The following RAB28 variants were observed in gnomAD, a reference collection of about 807,000 sequenced individuals.
The protein encoded by RAB28 is RAB28, member RAS oncogene family.
Under a neutral mutation model 31.7 loss-of-function variants are expected in RAB28, and 24 were observed. The observed-to-expected ratio is 0.76, with a 90% CI of 0.55 to 1.06. RAB28 has a LOEUF of 1.06. Ranked by LOEUF, RAB28 falls within the 50% of genes least tolerant of loss-of-function variation. The pLI is 0.00. For synonymous variants in RAB28, 100 were observed against 90.4 expected (o/e 1.11, Z -0.60); for missense variants, 254 against 258.5 (o/e 0.98, Z 0.12).
chr4:13,475,389 A>G (rs1310000275), intron 2 of RAB28, among the ~76,000 whole-genome samples: 1 of 151,570 alleles, frequency 6.6e-6, no homozygotes, highest in Non-Finnish European at 1.5e-5. Flanking sequence ...TGATTTGCAA[A>G]TCAAAAGAAA....
intron 2 of RAB28, among the ~76,000 whole-genome samples, chr4:13,475,628 C>T (rs560211492): frequency 4.0e-5 from 6 of 151,516 alleles, no homozygotes; most frequent in Admixed American, 2.0e-4. Context: ...TCTGCCACTG[C>T]GCAGAGGATT....
chr4:13,400,193 G>C (rs1245476756), intron 4 of RAB28, among the ~76,000 whole-genome samples: 3 of 152,104 alleles, frequency 2.0e-5, no homozygotes, highest in Non-Finnish European at 2.9e-5. Context: ...TGTTTCCAGT[G>C]TCTCAATCCT....
chr4:13,376,399 A>G (rs1306028101), intron 6 of RAB28, 146 bp downstream of exon 6: 5 of 518,060 alleles, frequency 9.7e-6, no homozygotes, highest in Admixed American at 4.0e-5. Context: ...CTTCTGCAAT[A>G]AACACTGATT....
intron 4 of RAB28, among the ~76,000 whole-genome samples, chr4:13,460,392 T>C (rs1715531414): frequency 6.6e-6 from 1 of 152,142 alleles, no homozygotes; most frequent in Non-Finnish European, 1.5e-5. Flanking sequence ...TCTTTTTTAA[T>C]TAAATAGAGA....
At chr4:13,460,656 G>A in intron 4 of RAB28, 43 bp downstream of exon 4, 1 of 1,611,154 alleles carries the variant, frequency 6.2e-7, no homozygotes, top group Non-Finnish European at 8.5e-7. Context: ...GTCCACAACA[G>A]CAAGTAAACT....
intron 4 of RAB28, among the ~76,000 whole-genome samples, chr4:13,438,840 C>CAG (rs1231752031): frequency 6.6e-6 from 1 of 152,126 alleles, no homozygotes; most frequent in Non-Finnish European, 1.5e-5. Flanking sequence ...TGCCTAACTG[C>CAG]AATTTCTTGA....
chr4:13,376,221 G>C (rs1728916040), intron 6 of RAB28, among the ~76,000 whole-genome samples: 1 of 151,960 alleles, frequency 6.6e-6, no homozygotes, highest in African/African-American at 2.4e-5. Flanking sequence ...TTGAATAGAG[G>C]CTCCAAAAGG....
chr4:13,371,618 G>A lies in RAB28; in HGVS notation c.574-2968C>T, dbSNP rs981687129. The stretch of plus-strand genomic sequence containing the variant: ...TCTTTGACATAAAGCTTTGTAAAAT[G>A]TTTCCGAACTGTAAGCCATAACCAA... On this transcript the variant is annotated intron_variant, in intron 6 of 6. Transcript: ENST00000330852. 3.0e-6 allele frequency: 3 copies of A among 985,138 alleles called. No homozygotes were observed. In the African/African-American group the frequency reaches 5.2e-5, roughly 17 times the overall value. The allele number at this position is 985,138 out of a possible 1,614,324, so 61.0% of individuals were successfully genotyped here. A position where few individuals can be genotyped will look rare whatever the true frequency, so the allele number is the denominator to read the frequency against.
intron 4 of RAB28, among the ~76,000 whole-genome samples, chr4:13,398,416 A>G (rs1323210999): frequency 1.3e-5 from 2 of 152,078 alleles, no homozygotes; most frequent in African/African-American, 4.8e-5. Context: ...GAATTGCATA[A>G]AAAAAAGAGT....
chr4:13,376,075 G>C (rs1313513957), intron 6 of RAB28, among the ~76,000 whole-genome samples: 1 of 151,954 alleles, frequency 6.6e-6, no homozygotes, highest in Admixed American at 6.6e-5. Context: ...CGCTATGCAT[G>C]TTTTTTTCTT....
intron 3 of RAB28, among the ~76,000 whole-genome samples, chr4:13,472,065 A>G (rs1196967839): frequency 6.6e-6 from 1 of 152,100 alleles, no homozygotes; most frequent in African/African-American, 2.4e-5. Context: ...AACATAAAAT[A>G]TATACTGTCA....
chr4:13,378,193 T>A (rs897134440), intron 5 of RAB28, among the ~76,000 whole-genome samples: 4 of 152,070 alleles, frequency 2.6e-5, no homozygotes, highest in African/African-American at 9.7e-5. Context: ...AGAAAATTAG[T>A]CAAGGGGACT....
intron 2 of RAB28, among the ~76,000 whole-genome samples, chr4:13,477,601 T>C (rs1370504956): frequency 6.6e-6 from 1 of 151,298 alleles, no homozygotes; most frequent in African/African-American, 2.4e-5. Context: ...TATTGAAATT[T>C]CTACCATAAG....
At chr4:13,417,628 A>C (rs559804872) in intron 4 of RAB28, among the ~76,000 whole-genome samples, 2 of 152,324 alleles carry the variant, frequency 1.3e-5, no homozygotes, top group South Asian at 2.1e-4. Context: ...GACCTCCAGC[A>C]AACCCCAACA....
chr4:13,445,315 G>A (rs1223260520), intron 4 of RAB28, among the ~76,000 whole-genome samples: 1 of 151,810 alleles, frequency 6.6e-6, no homozygotes, highest in Non-Finnish European at 1.5e-5. Flanking sequence ...TTTGCATTGG[G>A]TTATAGCTCA....
chr4:13,445,423 A>T (rs1455168454), intron 4 of RAB28, among the ~76,000 whole-genome samples: 3 of 152,034 alleles, frequency 2.0e-5, no homozygotes, highest in African/African-American at 7.2e-5. Flanking sequence ...TGTTGCGATC[A>T]TTTGGAGGAA....
Position 13,390,116 on chromosome 4 carries a change from T to C in RAB28, c.392-8522A>G, listed in dbSNP as rs899669702. Among the ~76,000 whole-genome samples the C allele has an allele frequency of 3.3e-5, 5 of 152,312 alleles. No homozygotes were observed. In the South Asian group the frequency reaches 1.0e-3, roughly 32 times the overall value. ...AAATTAGGAAAAGAGGAAGTCAAAT[T>C]GTTCCTGTTTGCAGATGACATGATT... On this transcript the variant is annotated intron_variant, in intron 4 of 6. Coordinates refer to ENST00000330852, the MANE Select transcript of RAB28 (RefSeq NM_001017979.3).
At chr4:13,457,522 C>A (rs1461401452) in intron 4 of RAB28, among the ~76,000 whole-genome samples, 1 of 151,186 alleles carries the variant, frequency 6.6e-6, no homozygotes, top group Admixed American at 6.6e-5. Context: ...TGTGTGACTG[C>A]ATACACTAAT....
At chr4:13,475,102 T>C (rs1213463200) in intron 2 of RAB28, among the ~76,000 whole-genome samples, 1 of 151,640 alleles carries the variant, frequency 6.6e-6, no homozygotes, top group African/African-American at 2.4e-5. Flanking sequence ...AAACAAACTA[T>C]GTATACTTCC....
Sources: gnomAD v4.1 joint callset for allele counts (sites outside exome capture counted in the v4.1 genomes callset) on GRCh38, gnomAD v4.1.1 for gene constraint, MANE v1.5 for transcripts, NCBI Gene and HGNC (gene_info 2026-07-23, HGNC 2026-07-21) for gene names.